The following FBXL2 variants were observed in gnomAD, a reference collection of about 807,000 sequenced individuals.
FBXL2 encodes the protein F-box and leucine rich repeat protein 2.
FBXL2 carries 38 observed loss-of-function variants against 69.2 expected under a neutral mutation model. That is an observed-to-expected ratio of 0.55 (90% CI 0.42 to 0.72). The LOEUF (loss-of-function observed/expected upper bound fraction) is 0.72, where lower values mean the gene tolerates loss of function less well. Among genes scored for constraint, FBXL2 ranks in the 30% least tolerant of loss-of-function variants. The probability of loss-of-function intolerance (pLI) is 0.00; values close to 1 mark genes in which losing one functional copy is unlikely to be tolerated. For missense variants in FBXL2, 354 were observed against 520.3 expected (o/e 0.68, Z 3.11); for synonymous variants, 192 against 201.3 (o/e 0.95, Z 0.39).
chr3:33,320,485 CTTT>C (rs773160968), intron 2 of FBXL2, among the ~76,000 whole-genome samples: 4 of 139,776 alleles, frequency 2.9e-5, no homozygotes, highest in Admixed American at 7.2e-5. Flanking sequence ...GAAAGCATTT[CTTT>C]TTTTTTTTTT....
chr3:33,396,395 T>C (rs2043997586), intron 12 of FBXL2: 1 of 741,308 alleles, frequency 1.3e-6, no homozygotes, highest in Admixed American at 2.7e-5. Context: ...TTTATAATGT[T>C]ATTTCGTTAT....
At chr3:33,394,764 G>C (rs1251503724) in intron 12 of FBXL2, among the ~76,000 whole-genome samples, 1 of 149,964 alleles carries the variant, frequency 6.7e-6, no homozygotes. Flanking sequence ...AAATGATCTA[G>C]AGCAGGTGTC....
chr3:33,412,687 C>T, the FBXL2 span: 2 of 1,333,156 alleles, frequency 1.5e-6, no homozygotes, highest in Non-Finnish European at 2.2e-6. Flanking sequence ...TAAACAATAC[C>T]CTCATCTCCA....
chr3:33,402,578 C>T (rs975716846), intron 12 of FBXL2, among the ~76,000 whole-genome samples: 3 of 152,064 alleles, frequency 2.0e-5, no homozygotes, highest in South Asian at 2.1e-4. Context: ...CTACAATTAC[C>T]ATAGTTGTGA....
chr3:33,293,751 A>G (rs572144147), intron 1 of FBXL2, among the ~76,000 whole-genome samples: 3 of 152,274 alleles, frequency 2.0e-5, no homozygotes, highest in African/African-American at 7.2e-5. Context: ...GAAGGTTTTC[A>G]TGTCATTCAC....
chr3:33,418,567 T>C, the FBXL2 span, among the ~76,000 whole-genome samples: 33 of 151,918 alleles, frequency 2.2e-4, no homozygotes, highest in East Asian at 5.9e-3. Context: ...CCATAAGAAG[T>C]ATTTAATTAG....
At chr3:33,396,877 C>T (rs1358902587) in intron 12 of FBXL2, 1 of 712,010 alleles carries the variant, frequency 1.4e-6, no homozygotes, top group Non-Finnish European at 2.5e-6. Flanking sequence ...TCTGGGCCTG[C>T]CCTGAAGGTG....
chr3:33,403,073 A>G (rs2044292070), intron 12 of FBXL2, among the ~76,000 whole-genome samples: 1 of 152,230 alleles, frequency 6.6e-6, no homozygotes, highest in Non-Finnish European at 1.5e-5. Context: ...GTGGCAAAGA[A>G]AAGTTTTACC....
At chr3:33,384,310 C>T (rs2043265574) in intron 14 of FBXL2, 109 bp downstream of exon 14, 1 of 1,071,264 alleles carries the variant, frequency 9.3e-7, no homozygotes, top group African/African-American at 1.6e-5. Context: ...CCTGTAATCC[C>T]AACACTTTCA....
chr3:33,320,274 A>G (rs1010716658), intron 2 of FBXL2, among the ~76,000 whole-genome samples: 1 of 152,186 alleles, frequency 6.6e-6, no homozygotes, highest in Non-Finnish European at 1.5e-5. Context: ...AAACAGACCA[A>G]TGCATGGGTA....
intron 4 of FBXL2, among the ~76,000 whole-genome samples, chr3:33,363,555 G>A (rs2154042893): frequency 6.6e-6 from 1 of 152,268 alleles, no homozygotes; most frequent in Middle Eastern, 3.4e-3. Flanking sequence ...AAGCACCTCA[G>A]CTGGTGATGG....
intron 12 of FBXL2, among the ~76,000 whole-genome samples, chr3:33,401,209 C>T (rs550556547): frequency 6.6e-6 from 1 of 152,128 alleles, no homozygotes; most frequent in Non-Finnish European, 1.5e-5. Flanking sequence ...AATTAAGACA[C>T]AGAAGACTGT....
At chr3:33,365,005 A>G (rs915864232) in intron 5 of FBXL2, among the ~76,000 whole-genome samples, 10 of 152,232 alleles carry the variant, frequency 6.6e-5, no homozygotes, top group African/African-American at 2.4e-4. Flanking sequence ...TGTCATAGGC[A>G]TAACAAGAAA....
At chr3:33,369,298 C>T (rs1014008187) in intron 5 of FBXL2, among the ~76,000 whole-genome samples, 2 of 150,644 alleles carry the variant, frequency 1.3e-5, no homozygotes, top group East Asian at 2.0e-4. Context: ...ATGATCTGCC[C>T]ACCTCAGCCT....
chr3:33,401,783 A>G (rs1205085668), intron 12 of FBXL2, among the ~76,000 whole-genome samples: 1 of 152,230 alleles, frequency 6.6e-6, no homozygotes, highest in Non-Finnish European at 1.5e-5. Flanking sequence ...CCAGTCTACT[A>G]GTGAGTACAT....
chr3:33,410,576 T>G, the FBXL2 span, among the ~76,000 whole-genome samples: 1 of 152,236 alleles, frequency 6.6e-6, no homozygotes, highest in Non-Finnish European at 1.5e-5. Context: ...TGAAGGCTGG[T>G]CAGCAAGTAA....
chr3:33,379,940 A>G lies in FBXL2; in HGVS notation c.951+1199A>G, dbSNP rs189533683. Reference sequence around the variant, plus strand: ...ACTAATGCAGAAAAAGAATTTGACAAAATTCAAGAGGGCTGGGCACGGTGG... The same window carrying G: ...ACTAATGCAGAAAAAGAATTTGACAGAATTCAAGAGGGCTGGGCACGGTGG... On this transcript the variant is annotated intron_variant, in intron 13 of 14. Transcript: ENST00000484457. Among the ~76,000 whole-genome samples the G allele has an allele frequency of 2.6e-5, 4 of 152,254 alleles. No individual in the cohort carries two copies. The East Asian group carries it at 7.7e-4, about 29-fold the overall frequency.
chr3:33,334,514 GAT>G (rs963335310), intron 2 of FBXL2, among the ~76,000 whole-genome samples: 5 of 152,072 alleles, frequency 3.3e-5, no homozygotes, highest in Admixed American at 2.6e-4. Flanking sequence ...AGAGAAAAAA[GAT>G]AGAAAAAATT....
At chr3:33,374,019 G>T (rs1417846217) in intron 9 of FBXL2, 98 bp downstream of exon 9, 11 of 1,108,460 alleles carry the variant, frequency 9.9e-6, no homozygotes, top group Non-Finnish European at 1.5e-5. Context: ...ACCTGAGATG[G>T]GCTGTGTTGC....
Sources: gnomAD v4.1 joint callset for allele counts (sites outside exome capture counted in the v4.1 genomes callset) on GRCh38, gnomAD v4.1.1 for gene constraint, MANE v1.5 for transcripts, NCBI Gene and HGNC (gene_info 2026-07-23, HGNC 2026-07-21) for gene names.